ZMYND8: variants seen among roughly 807,000 people sequenced by gnomAD.
ZMYND8 encodes zinc finger MYND-type containing 8, also known as MYND-type zinc finger-containing chromatin reader ZMYND8.
In ZMYND8, 37 loss-of-function variants were observed where a neutral mutation model predicts 140.8. That is an observed-to-expected ratio of 0.26 (90% CI 0.20 to 0.35). The LOEUF is 0.35. Ranked by LOEUF, ZMYND8 falls within the 10% of genes least tolerant of loss-of-function variation. The pLI, the probability that ZMYND8 is intolerant of heterozygous loss-of-function variation, is 1.00. For missense variants in ZMYND8, 1,068 were observed against 1,570.0 expected, an observed-to-expected ratio of 0.68 and a Z score of 5.40; for synonymous variants, 592 against 597.1, an observed-to-expected ratio of 0.99 and a Z score of 0.12.
intron 16 of ZMYND8, among the ~76,000 whole-genome samples, chr20:47,235,494 C>T (rs747787077): frequency 1.5e-4 from 23 of 152,056 alleles, no homozygotes; most frequent in Non-Finnish European, 1.3e-4. Flanking sequence ...CACCCGAGGT[C>T]AGGAGTTTGA....
At chr20:47,297,278 TTTC>T (rs930720385) in intron 4 of ZMYND8, among the ~76,000 whole-genome samples, 13 of 152,140 alleles carry the variant, frequency 8.5e-5, no homozygotes, top group Admixed American at 1.3e-4. Flanking sequence ...TTTTTATGTA[TTTC>T]TTATTTTTCT....
At chr20:47,227,161 C>T (rs752204250) in intron 18 of ZMYND8, 42 bp downstream of exon 18, 7 of 1,608,958 alleles carry the variant, frequency 4.4e-6, no homozygotes, top group Non-Finnish European at 4.3e-6. Flanking sequence ...GAAGTTCACA[C>T]CCAAAACCCT....
intron 14 of ZMYND8, among the ~76,000 whole-genome samples, chr20:47,241,657 G>A (rs2039984079): frequency 6.6e-6 from 1 of 151,976 alleles, no homozygotes; most frequent in Non-Finnish European, 1.5e-5. Context: ...CTCAGTTATG[G>A]ATGCACAGGC....
chr20:47,327,173 C>T (rs1434433420), intron 2 of ZMYND8, among the ~76,000 whole-genome samples: 2 of 151,994 alleles, frequency 1.3e-5, no homozygotes, highest in Non-Finnish European at 2.9e-5. Flanking sequence ...TGCACCACCA[C>T]GCCTGGCTAA....
At chr20:47,276,908 A>C in intron 10 of ZMYND8, 113 bp from the exon 11 acceptor site, 1 of 727,828 alleles carries the variant, frequency 1.4e-6, no homozygotes, top group Non-Finnish European at 1.8e-6. Context: ...TTCTTATTCT[A>C]TTAAAAAAAA....
intron 2 of ZMYND8, among the ~76,000 whole-genome samples, chr20:47,342,819 C>A (rs536185466): frequency 6.7e-6 from 1 of 148,416 alleles, no homozygotes; most frequent in Non-Finnish European, 1.5e-5. Context: ...CGCACTCCAG[C>A]CTCGGCAACA....
At chr20:47,356,333 G>GA (rs71183243) in intron 1 of ZMYND8, 110,727 of 840,016 alleles carry the variant, frequency 0.13, 1 homozygote, top group Non-Finnish European at 0.14. Flanking sequence ...AAGAGGGAAA[G>GA]AAAAAAAAAA....
intron 2 of ZMYND8, among the ~76,000 whole-genome samples, chr20:47,326,364 A>G (rs2080418205): frequency 6.6e-6 from 1 of 152,222 alleles, no homozygotes; most frequent in South Asian, 2.1e-4. Flanking sequence ...GGCCTCCCAA[A>G]GAGCTGGGAT....
At chr20:47,242,982 T>C (rs1379996768) in intron 14 of ZMYND8, among the ~76,000 whole-genome samples, 7 of 152,196 alleles carry the variant, frequency 4.6e-5, no homozygotes, top group Non-Finnish European at 8.8e-5. Context: ...CTGGTCACTG[T>C]TTTTCATTTA....
chr20:47,295,186 T>G (rs895976398), intron 4 of ZMYND8, among the ~76,000 whole-genome samples: 18 of 152,026 alleles, frequency 1.2e-4, no homozygotes, highest in African/African-American at 4.3e-4. Context: ...TGAGCCCCAG[T>G]GTTGGAGACC....
chr20:47,305,428 A>G (rs1240754282), intron 3 of ZMYND8, among the ~76,000 whole-genome samples: 1 of 151,954 alleles, frequency 6.6e-6, no homozygotes, highest in East Asian at 1.9e-4. Flanking sequence ...TTTAGTAGAG[A>G]TGAGGTTTCA....
At chr20:47,304,003 TGTAA>T (rs146102325) in intron 3 of ZMYND8, among the ~76,000 whole-genome samples, 8,371 of 152,184 alleles carry the variant, frequency 0.055, 728 homozygotes, top group African/African-American at 0.19. Context: ...ATCTGCTGCT[TGTAA>T]GTGTTTCCTG....
At chr20:47,226,113 T>G (rs1010823867) in intron 18 of ZMYND8, among the ~76,000 whole-genome samples, 1 of 148,886 alleles carries the variant, frequency 6.7e-6, no homozygotes, top group African/African-American at 2.5e-5. Flanking sequence ...ATTACATCAC[T>G]GTACTCCAAC....
At chr20:47,335,462 A>G (rs557262452) in intron 2 of ZMYND8, among the ~76,000 whole-genome samples, 5 of 152,128 alleles carry the variant, frequency 3.3e-5, no homozygotes, top group Admixed American at 6.5e-5. Context: ...CAAACTGATC[A>G]CCTCAAGTCA....
At chr20:47,224,645 G>A in intron 18 of ZMYND8, 89 bp from the exon 19 acceptor site, 5 of 1,573,532 alleles carry the variant, frequency 3.2e-6, no homozygotes, top group Admixed American at 1.7e-5. Flanking sequence ...GGCAGACGTG[G>A]ATGCAAGACC....
At chr20:47,292,276 T>A (rs916063474) in intron 5 of ZMYND8, among the ~76,000 whole-genome samples, 1 of 152,216 alleles carries the variant, frequency 6.6e-6, no homozygotes, top group African/African-American at 2.4e-5. Context: ...CTCTTCAATT[T>A]TTCTTCTTGG....
chr20:47,314,813 A>AT lies in ZMYND8; in HGVS notation c.86-4610_86-4609insA, dbSNP rs1318791847. Among the ~76,000 whole-genome samples, 8 of 152,304 alleles carry AT rather than the reference A, an allele frequency of 5.3e-5. No individual in the cohort carries two copies. In the East Asian group the frequency reaches 1.5e-3, roughly 29 times the overall value. The stretch of plus-strand genomic sequence containing the variant: ...GGGAGTCAGGCTGGAGAATGAGGCT[A>AT]AACAGGAAACAACCCCAGGCAAGTC... On this transcript the variant is annotated intron_variant, in intron 2 of 22. Transcript: ENST00000471951.
rs961436262 is a variant in ZMYND8, at chr20:47,291,868, G to A, written c.588C>T (p.Pro196=). Residue 196 remains proline, a synonymous_variant, in exon 6 of 23, where the codon CCC becomes CCT. Transcript: ENST00000471951. ...AGTCAGGGTGCTGTTCCAATGGAAC[G>A]GGCTTCTGGAATGCATCTGTCTATA... ...KQPGTDAFQK[P]VPLEQHPDYA... 1.2e-6 allele frequency: 2 copies of A among 1,612,788 alleles called. No individual in the cohort carries two copies. Among genetic ancestry groups the A allele is most frequent in the Non-Finnish European group, 1.7e-6 (2 of 1,179,382 alleles).
chr20:47,218,990 G>A (rs2036527792), intron 21 of ZMYND8, among the ~76,000 whole-genome samples: 1 of 151,730 alleles, frequency 6.6e-6, no homozygotes, highest in African/African-American at 2.4e-5. Flanking sequence ...GCAGAGGCGG[G>A]AGGATCACTT....
Sources: gnomAD v4.1 joint callset for allele counts (sites outside exome capture counted in the v4.1 genomes callset) on GRCh38, gnomAD v4.1.1 for gene constraint, MANE v1.5 for transcripts, NCBI Gene and HGNC (gene_info 2026-07-23, HGNC 2026-07-21) for gene names.